ZFAND3: variants seen among roughly 807,000 people sequenced by gnomAD.
ZFAND3 encodes the protein AN1-type zinc finger protein 3.
Under a neutral mutation model 29.6 loss-of-function variants are expected in ZFAND3, and 10 were observed. The observed-to-expected ratio is 0.34, with a 90% CI of 0.21 to 0.57. The LOEUF (loss-of-function observed/expected upper bound fraction) is 0.57, where lower values mean the gene tolerates loss of function less well. Ranked by LOEUF, ZFAND3 falls within the 20% of genes least tolerant of loss-of-function variation. ZFAND3 has a pLI of 0.86. For missense variants in ZFAND3, 230 were observed against 304.5 expected, an observed-to-expected ratio of 0.76 and a Z score of 1.82; for synonymous variants, 128 against 112.6, an observed-to-expected ratio of 1.14 and a Z score of -0.87.
chr6:38,097,916 G>A lies in ZFAND3; in HGVS notation c.361+15459G>A, dbSNP rs113722843. On this transcript the variant is annotated intron_variant, in intron 4 of 5. Transcript: ENST00000287218. ...AAGTCAGTGGAGATAGGGAAGGAGG[G>A]AGAGCCATAGCAGCCCTTGTTTGAA... 4.2e-4 allele frequency among the ~76,000 whole-genome samples: 64 copies of A among 152,256 alleles called. 1 individual carries two copies. Among genetic ancestry groups the A allele is most frequent in the African/African-American group, 7.9e-4 (33 of 41,546 alleles).
In ZFAND3 at chr6:38,041,647, T is replaced by TTCC. The variant is rs1346227910; in HGVS notation, c.113-19944_113-19943insCTC. ...TATCTACTTTTTCTTCTTCTTCTTCTTCTTCTTCTTCTTCTTCTTCTTCTT... is the reference window on the plus strand; with the variant it reads ...TATCTACTTTTTCTTCTTCTTCTTCTTCCTCTTCTTCTTCTTCTTCTTCTTCTT... On this transcript the variant is annotated intron_variant, in intron 2 of 5. Coordinates refer to ENST00000287218, the MANE Select transcript of ZFAND3 (RefSeq NM_021943.3). Among the ~76,000 whole-genome samples the TTCC allele has an allele frequency of 3.5e-3, 64 of 18,486 alleles. 1 individual carries two copies. Among genetic ancestry groups the TTCC allele is most frequent in the African/African-American group, 0.012 (63 of 5,136 alleles). The allele number at this position is 18,486 out of a possible 152,430, so 12.1% of individuals were successfully genotyped here.
intron 2 of ZFAND3, among the ~76,000 whole-genome samples, chr6:37,982,317 G>A (rs1230959573): frequency 1.3e-5 from 2 of 151,658 alleles, no homozygotes; most frequent in Non-Finnish European, 2.9e-5. Flanking sequence ...GTGATTTTGG[G>A]GTCCCGAGAT....
chr6:38,130,260 C>G (rs1452871986), intron 5 of ZFAND3, among the ~76,000 whole-genome samples: 2 of 152,158 alleles, frequency 1.3e-5, no homozygotes, highest in African/African-American at 4.8e-5. Context: ...CATCAGCAAA[C>G]AGTGAGTTTG....
At chr6:37,869,270 T>C (rs1369530921) in intron 1 of ZFAND3, among the ~76,000 whole-genome samples, 1 of 152,158 alleles carries the variant, frequency 6.6e-6, no homozygotes, top group East Asian at 1.9e-4. Flanking sequence ...TTCAAGTGAT[T>C]CTCCTACCTC....
chr6:38,008,702 T>A (rs1763093750), intron 2 of ZFAND3, among the ~76,000 whole-genome samples: 2 of 152,178 alleles, frequency 1.3e-5, no homozygotes, highest in African/African-American at 4.8e-5. Context: ...CTTTTTTCTT[T>A]CTGCTTTTCC....
chr6:38,097,641 A>G (rs967365169), intron 4 of ZFAND3, among the ~76,000 whole-genome samples: 2 of 152,214 alleles, frequency 1.3e-5, no homozygotes, highest in Non-Finnish European at 2.9e-5. Flanking sequence ...GCTGGCTGCC[A>G]TAAAGTTATT....
rs534168405 is a variant in ZFAND3, at chr6:38,054,327, G to A, written c.113-7266G>A. On this transcript the variant is annotated intron_variant, in intron 2 of 5. Coordinates refer to ENST00000287218, the MANE Select transcript of ZFAND3 (RefSeq NM_021943.3). ...GAGCGTCACTTGGGCCCAGGAAGTC[G>A]AGGCTGCAGTGAGCCATGTGTGTGC... Among the ~76,000 whole-genome samples the A allele has an allele frequency of 3.1e-3, 463 of 150,146 alleles. 3 individuals are homozygous for A. Among genetic ancestry groups the A allele is most frequent in the African/African-American group, 0.011 (440 of 40,942 alleles).
At chr6:38,145,153 T>G (rs1413678860) in intron 5 of ZFAND3, among the ~76,000 whole-genome samples, 1 of 151,902 alleles carries the variant, frequency 6.6e-6, no homozygotes, top group Admixed American at 6.6e-5. Flanking sequence ...TCCACCCACC[T>G]CTCCAGACCC....
At chr6:37,929,775 T>TA (rs398001229) in intron 1 of ZFAND3, among the ~76,000 whole-genome samples, 184 bp from the exon 2 acceptor site, 5 of 151,596 alleles carry the variant, frequency 3.3e-5, no homozygotes, top group African/African-American at 7.3e-5. Context: ...TTTTTTTTTT[T>TA]AATTTTTATT....
intron 5 of ZFAND3, among the ~76,000 whole-genome samples, chr6:38,122,711 A>G (rs1254424898): frequency 6.6e-6 from 1 of 152,214 alleles, no homozygotes; most frequent in Non-Finnish European, 1.5e-5. Context: ...TGGGCCCAAG[A>G]GGAAGGCAGA....
intron 1 of ZFAND3, among the ~76,000 whole-genome samples, chr6:37,903,135 T>G (rs1023461311): frequency 5.9e-5 from 9 of 152,198 alleles, no homozygotes; most frequent in Admixed American, 4.6e-4. Flanking sequence ...ATAATGAGAA[T>G]TTTTAAGCTT....
intron 3 of ZFAND3, among the ~76,000 whole-genome samples, chr6:38,066,146 A>C (rs1222956719): frequency 6.6e-6 from 1 of 152,136 alleles, no homozygotes; most frequent in Non-Finnish European, 1.5e-5. Context: ...CAGCTGTGCT[A>C]GAGTGAGGAA....
intron 1 of ZFAND3, among the ~76,000 whole-genome samples, chr6:37,928,754 A>G (rs1285242080): frequency 6.6e-6 from 1 of 152,092 alleles, no homozygotes; most frequent in East Asian, 1.9e-4. Context: ...GAGCTCAGGC[A>G]TTCCGCCCAC....
intron 1 of ZFAND3, among the ~76,000 whole-genome samples, chr6:37,837,081 G>T (rs768720925): frequency 6.6e-6 from 1 of 152,016 alleles, no homozygotes; most frequent in Admixed American, 6.6e-5. Flanking sequence ...CCCCTCCCCC[G>T]TATAGGTTGA....
In ZFAND3 at chr6:38,153,729, G is replaced by GC. The variant is rs1766286558; in HGVS notation, c.*1341dup. ...AGGAAATCACTACCAGTCAGGTGGG[G>GC]CTGGGGCTGGGTGGACAGGATCAGG... On this transcript the variant is annotated 3_prime_UTR_variant, in exon 6 of 6. Transcript: ENST00000287218. 2.0e-6 allele frequency: 2 copies of GC among 985,390 alleles called. No homozygotes were observed. The highest frequency in any genetic ancestry group is 3.5e-5 in the African/African-American group (2 of 57,210). 61.0% of individuals were successfully genotyped at this position (985,390 alleles called of 1,614,324 possible). A position where few individuals can be genotyped will look rare whatever the true frequency, so the allele number is the denominator to read the frequency against.
rs145183679 is a variant in ZFAND3 at position 38,039,789 on chromosome 6, A to T, written c.113-21804A>T. ...CGTAGCTTTATTAATAATACTTAAAAATTTTTATATGCATTCATATGCATA... is the reference window on the plus strand; with the variant it reads ...CGTAGCTTTATTAATAATACTTAAATATTTTTATATGCATTCATATGCATA... On this transcript the variant is annotated intron_variant, in intron 2 of 5. Coordinates refer to ENST00000287218, the MANE Select transcript of ZFAND3 (RefSeq NM_021943.3). Among the ~76,000 whole-genome samples, 12 of 152,268 alleles carry T rather than the reference A, an allele frequency of 7.9e-5. 1 individual carries two copies. In the East Asian group the frequency reaches 2.1e-3, roughly 27 times the overall value.
intron 2 of ZFAND3, among the ~76,000 whole-genome samples, chr6:37,978,518 C>A (rs1762527357): frequency 6.6e-6 from 1 of 152,054 alleles, no homozygotes; most frequent in Non-Finnish European, 1.5e-5. Context: ...GTTGTTTCTT[C>A]TTTAAATGTT....
intron 5 of ZFAND3, among the ~76,000 whole-genome samples, chr6:38,144,231 A>ATTTTTT (rs67159019): frequency 1.3e-5 from 1 of 75,282 alleles, no homozygotes; most frequent in South Asian, 4.2e-4. Context: ...ATATATATAT[A>ATTTTTT]TTTTTTTTTT....
Position 38,154,343 on chromosome 6 carries a change from G to A in ZFAND3, c.*1954G>A, listed in dbSNP as rs1361271431. 3.1e-6 allele frequency: 3 copies of A among 964,924 alleles called. No individual in the cohort carries two copies. The highest frequency in any genetic ancestry group is 2.7e-4 in the East Asian group (2 of 7,482). The allele number at this position is 964,924 out of a possible 1,614,324, so 59.8% of individuals were successfully genotyped here. A position where few individuals can be genotyped will look rare whatever the true frequency, so the allele number is the denominator to read the frequency against. ...CCCAGGGGAGCTGGCCTGGGGGAGC[G>A]AAGCCCATGTTCGCTTCCTGACTTA... On this transcript the variant is annotated 3_prime_UTR_variant, in exon 6 of 6. Coordinates refer to ENST00000287218, the MANE Select transcript of ZFAND3 (RefSeq NM_021943.3).
Sources: gnomAD v4.1 joint callset for allele counts (sites outside exome capture counted in the v4.1 genomes callset) on GRCh38, gnomAD v4.1.1 for gene constraint, MANE v1.5 for transcripts, NCBI Gene and HGNC (gene_info 2026-07-23, HGNC 2026-07-21) for gene names.